Variants in TNPO2 observed in about 807,000 individuals in gnomAD.
TNPO2 encodes the protein transportin-2.
TNPO2 carries 16 observed loss-of-function variants against 111.1 expected under a neutral mutation model. That is an observed-to-expected ratio of 0.14 (90% confidence interval 0.10 to 0.22). TNPO2 has a LOEUF of 0.22. Ranked by LOEUF, TNPO2 falls within the 10% of genes least tolerant of loss-of-function variation. The pLI is 1.00. For synonymous variants in TNPO2, 481 were observed against 475.8 expected (o/e 1.01, Z -0.14); for missense variants, 530 against 1,173.7 (o/e 0.45, Z 8.01).
rs755174619 is a variant in TNPO2 at position 12,705,391 on chromosome 19, G to A, written c.1871C>T (p.Thr624Ile). The change falls in exon 18 of 26, where the codon ACC (threonine) becomes ATC (isoleucine). Residue 624 changes from threonine to isoleucine, a missense_variant. Around this residue, in one of 4 missense-constraint regions of TNPO2, gnomAD observed 183 missense variants for 481.0 expected, o/e 0.38. Coordinates refer to ENST00000425528, the MANE Select transcript of TNPO2 (RefSeq NM_001382241.1). This position sits in a 1 kb window ranked among gnomAD's most constrained non-coding sequence, Gnocchi z 7.2. ...QKTLAQAMMY[T>I]QHPEQYEAPD... ...AGCCTCATACTGCTCAGGGTGCTGG[G>A]TGTACATCTAGACACAGATGCCGAC... 3.2e-6 allele frequency: 5 copies of A among 1,583,736 alleles called. No individual in the cohort carries two copies. Among genetic ancestry groups the A allele is most frequent in the African/African-American group, 1.3e-5 (1 of 74,254 alleles).
intron 18 of TNPO2, among the ~76,000 whole-genome samples, chr19:12,704,828 G>A (rs538157029): frequency 1.3e-5 from 2 of 151,936 alleles, no homozygotes; most frequent in African/African-American, 2.4e-5. Flanking sequence ...GATTACAGGC[G>A]CCTACCACCA....
Position 12,715,731 on chromosome 19 carries a change from T to A in TNPO2, c.334A>T (p.Ile112Phe). Residue 112 changes from isoleucine (I) to phenylalanine (F), a missense_variant, in exon 6 of 26, where the codon ATC becomes TTC. By Grantham distance (21) the Ile-to-Phe change is conservative. Transcript: ENST00000425528. The surrounding 1 kb of genome is among the most constrained non-coding windows in gnomAD (Gnocchi z 7.1). The stretch of plus-strand genomic sequence containing the variant: ...TCACCCTTGGAAGCGATGGTGGTGA[T>A]GAGAATGCCTGGGGCGGCCGGGAAA... ...SLIRATIGIL[I>F]TTIASKGELQ... The A allele has an allele frequency of 6.2e-7, 1 of 1,610,974 alleles. No individual in the cohort carries two copies. The highest frequency in any genetic ancestry group is 8.5e-7 in the Non-Finnish European group (1 of 1,178,846).
rs993692578 is a variant in TNPO2, at chr19:12,721,202, G to A, written c.-13-212C>T. On this transcript the variant is annotated intron_variant, in intron 2 of 25. Coordinates refer to ENST00000425528, the MANE Select transcript of TNPO2 (RefSeq NM_001382241.1). The surrounding 1 kb of genome is among the most constrained non-coding windows in gnomAD (Gnocchi z 4.9). ...CGCGGGCTCGGGAGCGCGGGAGGGG[G>A]GATGTGGAAACGGGCCACAGGCGGC... 3 of 1,376,458 alleles carry A rather than the reference G, an allele frequency of 2.2e-6. No individual in the cohort carries two copies. Among genetic ancestry groups the A allele is most frequent in the Admixed American group, 6.8e-5 (2 of 29,482 alleles). 85.3% of individuals were successfully genotyped at this position (1,376,458 alleles called of 1,614,324 possible).
In TNPO2 at chr19:12,701,560, G is replaced by A. The variant is rs1299656549; in HGVS notation, c.2586+38C>T. ...TTACCAGATGGTCTCACCCCTGCCT[G>A]CTCCCGGAACTAGATCAGGGCCCAG... On this transcript the variant is annotated intron_variant, in intron 24 of 25. Coordinates refer to ENST00000425528, the MANE Select transcript of TNPO2 (RefSeq NM_001382241.1). The surrounding 1 kb of genome is among the most constrained non-coding windows in gnomAD (Gnocchi z 5.0). 9 of 1,610,518 alleles carry A rather than the reference G, an allele frequency of 5.6e-6. No individual in the cohort carries two copies. The highest frequency in any genetic ancestry group is 7.6e-6 in the Non-Finnish European group (9 of 1,176,960).
In TNPO2 at chr19:12,700,688, G is replaced by T. The variant is rs914552496; in HGVS notation, c.*576C>A. On this transcript the variant is annotated 3_prime_UTR_variant, in exon 26 of 26. Coordinates refer to ENST00000425528, the MANE Select transcript of TNPO2 (RefSeq NM_001382241.1). ...CCCTCCCCAGTCACCGCCAATTCCG[G>T]CAAAACAGCAGAAGCTTCTTAAACT... is the stretch of plus-strand genomic sequence containing the variant. The T allele has an allele frequency of 8.3e-6, 1 of 119,914 alleles. No homozygotes were observed. Among genetic ancestry groups the T allele is most frequent in the Non-Finnish European group, 1.6e-5 (1 of 60,934 alleles). 7.4% of individuals were successfully genotyped at this position (119,914 alleles called of 1,614,324 possible). A position where few individuals can be genotyped will look rare whatever the true frequency, so the allele number is the denominator to read the frequency against.
chr19:12,701,711 C>T lies in TNPO2; in HGVS notation c.2512-39G>A, dbSNP rs1445482730. On this transcript the variant is annotated intron_variant, in intron 23 of 25. Coordinates refer to ENST00000425528, the MANE Select transcript of TNPO2 (RefSeq NM_001382241.1). The surrounding 1 kb of genome is among the most constrained non-coding windows in gnomAD (Gnocchi z 5.0). ...GATCCCAGGTGAGGGGCCGCCCGAG[C>T]CCAGCGCCCGCGCCTGCCCTCAGAG... is the stretch of plus-strand genomic sequence containing the variant. 6.2e-7 allele frequency: 1 copy of T among 1,613,224 alleles called. No homozygotes were observed. The highest frequency in any genetic ancestry group is 1.7e-5 in the Admixed American group (1 of 60,014).
At position 12,701,797 on chromosome 19, in the gene TNPO2, G is replaced by A. The variant is rs749288570; in HGVS notation, c.2466C>T (p.Arg822=). The A allele has an allele frequency of 8.1e-6, 13 of 1,613,832 alleles. No individual in the cohort carries two copies. The highest frequency in any genetic ancestry group is 6.8e-6 in the Non-Finnish European group (8 of 1,179,864). Residue 822 remains arginine (R), a synonymous_variant, in exon 23 of 26, where the codon CGC becomes CGT. Coordinates refer to ENST00000425528, the MANE Select transcript of TNPO2 (RefSeq NM_001382241.1). This position sits in a 1 kb window ranked among gnomAD's most constrained non-coding sequence, Gnocchi z 5.0. Reference sequence around the variant, plus strand: ...TGACACCGATCATCATGCAGATGCCGCGGAAGGCTGAGTCCTTCTCCTCGT... The same window carrying A: ...TGACACCGATCATCATGCAGATGCCACGGAAGGCTGAGTCCTTCTCCTCGT... ...RDNEEKDSAF[R]GICMMIGVNP...
chr19:12,703,524 C>T lies in TNPO2; in HGVS notation c.2113G>A (p.Glu705Lys). The change falls in exon 20 of 26, where the codon GAG becomes AAG. Residue 705 changes from glutamate (E) to lysine (K), a missense_variant and splice_region_variant. Coordinates refer to ENST00000425528, the MANE Select transcript of TNPO2 (RefSeq NM_001382241.1). ...CFIHVKPCIA[E>K]FMPILGTNLN... is the part of the protein sequence containing the mutation. ...TTGGTGCCCAGAATGGGCATGAACT[C>T]GGCTGGTGGGGAGAAACAGGGGTGC... is the stretch of plus-strand genomic sequence containing the variant. 4.3e-6 allele frequency: 7 copies of T among 1,613,910 alleles called. No homozygotes were observed. The highest frequency in any genetic ancestry group is 2.2e-5 in the East Asian group (1 of 44,894).
rs1384391372 is a variant in TNPO2 at position 12,715,562 on chromosome 19, C to G, written c.433-24G>C. 1 of 1,613,748 alleles carries G rather than the reference C, an allele frequency of 6.2e-7. No homozygotes were observed. The highest frequency in any genetic ancestry group is 1.1e-5 in the South Asian group (1 of 91,072). ...CCCTGAGTGCAGAGGGGCAGAGAGA[C>G]AAACGTGGGTGGTGGGTGGTGGTCC... On this transcript the variant is annotated intron_variant, in intron 6 of 25. Coordinates refer to ENST00000425528, the MANE Select transcript of TNPO2 (RefSeq NM_001382241.1). The surrounding 1 kb of genome is among the most constrained non-coding windows in gnomAD (Gnocchi z 7.1).
At chr19:12,718,892 T>G in intron 5 of TNPO2, 137 bp downstream of exon 5, 1 of 1,216,388 alleles carries the variant, frequency 8.2e-7, no homozygotes, top group Non-Finnish European at 1.1e-6. Flanking sequence ...CGCCTCAGCT[T>G]CCTCATCTAT....
chr19:12,711,652 G>A (rs200826671), intron 10 of TNPO2, 39 bp from the exon 11 acceptor site: 230 of 1,593,166 alleles, frequency 1.4e-4, no homozygotes, highest in Admixed American at 6.6e-4. Context: ...TGCAGGGGCC[G>A]TGGCAAAAGT....
intron 13 of TNPO2, among the ~76,000 whole-genome samples, chr19:12,707,819 TTTATTA>T (rs1188381430): frequency 2.6e-5 from 4 of 151,536 alleles, no homozygotes; most frequent in African/African-American, 9.7e-5. Context: ...AATTTTTTAA[TTTATTA>T]TTATTATTTT....
Position 12,702,165 on chromosome 19 carries a change from C to CTGGAATGG in TNPO2, c.2317_2318insCCATTCCA (p.Ser773ThrfsTer57). On this transcript the variant is annotated frameshift_variant, in exon 22 of 26. Coordinates refer to ENST00000425528, the MANE Select transcript of TNPO2 (RefSeq NM_001382241.1). LOFTEE classifies it high-confidence loss of function. This position sits in a 1 kb window ranked among gnomAD's most constrained non-coding sequence, Gnocchi z 5.5. Reference sequence around the variant, plus strand: ...GGTGATGGCTGGAATGGCAGAGGGACTCGTCAGGCGACCTGCAACCCCGAG... The same window carrying CTGGAATGG: ...GGTGATGGCTGGAATGGCAGAGGGACTGGAATGGTCGTCAGGCGACCTGCAACCCCGAG... The CTGGAATGG allele has an allele frequency of 6.2e-7, 1 of 1,613,110 alleles. No homozygotes were observed. The highest frequency in any genetic ancestry group is 1.3e-5 in the African/African-American group (1 of 75,014).
rs934946979 is a variant in TNPO2, at chr19:12,719,654, C to T, written c.100-318G>A. ...CTACTAAACATACAAAAAAATTATC[C>T]GGGCATGATGTGTGCGTGCCTCTAT... On this transcript the variant is annotated intron_variant, in intron 3 of 25. Coordinates refer to ENST00000425528, the MANE Select transcript of TNPO2 (RefSeq NM_001382241.1). The surrounding 1 kb of genome is among the most constrained non-coding windows in gnomAD (Gnocchi z 5.0). 2.0e-5 allele frequency among the ~76,000 whole-genome samples: 3 copies of T among 152,070 alleles called. No individual in the cohort carries two copies. The highest frequency in any genetic ancestry group is 6.6e-5 in the Admixed American group (1 of 15,252).
chr19:12,709,923 T>A (rs1205186592), intron 13 of TNPO2, among the ~76,000 whole-genome samples: 1 of 152,016 alleles, frequency 6.6e-6, no homozygotes, highest in Non-Finnish European at 1.5e-5. Flanking sequence ...CTAGACAAAT[T>A]TTAGACAAAT....
In TNPO2 at chr19:12,705,952, A is replaced by ACCCCACC. The variant is rs2025631175; in HGVS notation, c.1669-191_1669-185dup. On this transcript the variant is annotated intron_variant, in intron 15 of 25. Coordinates refer to ENST00000425528, the MANE Select transcript of TNPO2 (RefSeq NM_001382241.1). This position sits in a 1 kb window ranked among gnomAD's most constrained non-coding sequence, Gnocchi z 7.2. ...CACCTGTCCAAGCACCGCCCGCCCC[A>ACCCCACC]CCCCACCCCCCGGGAGCCTGGGTTA... 1 of 472,180 alleles carries ACCCCACC rather than the reference A, an allele frequency of 2.1e-6. No individual in the cohort carries two copies. Among genetic ancestry groups the ACCCCACC allele is most frequent in the African/African-American group, 2.1e-5 (1 of 48,766 alleles). The allele number at this position is 472,180 out of a possible 1,614,324, so 29.2% of individuals were successfully genotyped here. A position where few individuals can be genotyped will look rare whatever the true frequency, so the allele number is the denominator to read the frequency against.
rs1437407891 is a variant in TNPO2, at chr19:12,715,336, C to T, written c.567-12G>A. 3.1e-6 allele frequency: 5 copies of T among 1,613,712 alleles called. No individual in the cohort carries two copies. In the African/African-American group the frequency reaches 6.7e-5, roughly 22 times the overall value. On this transcript the variant is annotated splice_polypyrimidine_tract_variant and intron_variant, in intron 7 of 25. Coordinates refer to ENST00000425528, the MANE Select transcript of TNPO2 (RefSeq NM_001382241.1). The surrounding 1 kb of genome is among the most constrained non-coding windows in gnomAD (Gnocchi z 7.1). ...CGATGGCGTGGGACCTGGCGGGGAG[C>T]AGACACGTGGGTCACCCTGACCCTG...
At chr19:12,707,755 C>T (rs1203985463) in intron 13 of TNPO2, among the ~76,000 whole-genome samples, 2 of 151,336 alleles carry the variant, frequency 1.3e-5, no homozygotes, top group South Asian at 2.1e-4. Context: ...CAGAGTGCTG[C>T]GATTATAGGT....
chr19:12,703,714 C>T lies in TNPO2; in HGVS notation c.2110G>A (p.Ala704Thr), dbSNP rs1195515950. The T allele has an allele frequency of 6.2e-7, 1 of 1,607,136 alleles. No homozygotes were observed. Among genetic ancestry groups the T allele is most frequent in the Non-Finnish European group, 8.5e-7 (1 of 1,176,762 alleles). Residue 704 changes from alanine to threonine, a missense_variant and splice_region_variant, in exon 19 of 26, where the codon GCC becomes ACC. Transcript: ENST00000425528. ...GTTAGGGACAAGGCGAGTGTCGTAC[C>T]GATACAGGGCTTGACATGGATGAAG... ...ACFIHVKPCI[A>T]EFMPILGTNL...
Sources: allele counts gnomAD v4.1 joint callset (sites outside exome capture counted in the v4.1 genomes callset), GRCh38; gene constraint gnomAD v4.1.1; regional missense constraint gnomAD v4.1.1; non-coding constraint Gnocchi (gnomAD v3.1); transcripts MANE v1.5; gene names NCBI Gene and HGNC (gene_info 2026-07-23, HGNC 2026-07-21).